VGLL1: variants seen among roughly 807,000 people sequenced by gnomAD.
The protein encoded by VGLL1 is vestigial like family member 1.
In VGLL1, 4 loss-of-function variants were observed where a neutral mutation model predicts 12.0. The ratio of observed to expected loss-of-function variants is 0.33; its 90% CI spans 0.16 to 0.76. The LOEUF (loss-of-function observed/expected upper bound fraction) is 0.76, where lower values mean the gene tolerates loss of function less well. Among genes scored for constraint, VGLL1 ranks in the 30% least tolerant of loss-of-function variants. The pLI is 0.60. For synonymous variants in VGLL1, 87 were observed against 81.2 expected (o/e 1.07, Z -0.39); for missense variants, 204 against 208.7 (o/e 0.98, Z 0.14).
In VGLL1 at chrX:136,534,266, C is replaced by T. The variant is rs763016846; in HGVS notation, c.-25-1730C>T. Among the ~76,000 whole-genome samples, 3 of 112,464 alleles carry T rather than the reference C, an allele frequency of 2.7e-5. No homozygotes were observed. The Admixed American group carries it at 2.8e-4, about 11-fold the overall frequency. ...CCATCTCCCTCATCAAGATGTAGAA[C>T]CTTTCCAACACCCCTGAGGGCTCCC... On this transcript the variant is annotated intron_variant, in intron 1 of 4. Coordinates refer to ENST00000370634, the MANE Select transcript of VGLL1 (RefSeq NM_016267.4).
chrX:136,544,959 C>T (rs887747573), intron 2 of VGLL1, among the ~76,000 whole-genome samples: 3 of 112,081 alleles, frequency 2.7e-5, no homozygotes, highest in African/African-American at 6.5e-5. Context: ...CTTTTTCTCA[C>T]GTTGATTGTG....
At chrX:136,546,324 C>T (rs1230258797) in intron 2 of VGLL1, among the ~76,000 whole-genome samples, 2 of 111,654 alleles carry the variant, frequency 1.8e-5, no homozygotes, top group Non-Finnish European at 3.8e-5. Flanking sequence ...GCCCAAGAGG[C>T]CTGAAAAAGA....
At chrX:136,544,100 T>G (rs1219822453) in intron 2 of VGLL1, among the ~76,000 whole-genome samples, 1 of 112,113 alleles carries the variant, frequency 8.9e-6, no homozygotes, top group Admixed American at 9.5e-5. Flanking sequence ...TGTAACCTGC[T>G]TTTTTAAAAA....
intron 4 of VGLL1, among the ~76,000 whole-genome samples, chrX:136,555,615 A>G (rs762698347): frequency 1.4e-3 from 159 of 111,914 alleles, no homozygotes; most frequent in African/African-American, 4.9e-3. Flanking sequence ...TGCCATTGAA[A>G]GTATAGAAAA....
At position 136,548,666 on chromosome X, in the gene VGLL1, C is replaced by T. The variant is rs973148380; in HGVS notation, c.292C>T (p.Arg98Cys). Residue 98 changes from arginine (R) to cysteine (C), a missense_variant, in exon 3 of 5, where the codon CGT (arginine) becomes TGT (cysteine). Coordinates refer to ENST00000370634, the MANE Select transcript of VGLL1 (RefSeq NM_016267.4). Reference protein sequence around the residue: ...KPQPEVPVTNRAANCNLHVPG... With the variant: ...KPQPEVPVTNCAANCNLHVPG... ...ACAACCAGAAGTACCTGTCACAAAC[C>T]GTGCCGCCAACTGCAACTTGCATGT... 24 of 1,210,498 alleles carry T rather than the reference C, an allele frequency of 2.0e-5. No individual in the cohort carries two copies. The highest frequency in any genetic ancestry group is 1.0e-4 in the African/African-American group (6 of 57,286).
chrX:136,537,203 C>G (rs1213922936), intron 2 of VGLL1, among the ~76,000 whole-genome samples: 1 of 110,098 alleles, frequency 9.1e-6, no homozygotes, highest in Non-Finnish European at 1.9e-5. Context: ...GACCCTGTGT[C>G]TACAAAAAAA....
intron 4 of VGLL1, 139 bp from the exon 5 acceptor site, chrX:136,556,312 G>A: frequency 2.3e-6 from 1 of 430,600 alleles, no homozygotes; most frequent in Non-Finnish European, 4.0e-6. Flanking sequence ...AGTTTCATGA[G>A]TTTCTGTCTT....
At chrX:136,554,792 A>G (rs2075896821) in intron 4 of VGLL1, among the ~76,000 whole-genome samples, 1 of 112,442 alleles carries the variant, frequency 8.9e-6, no homozygotes, top group Admixed American at 9.4e-5. Flanking sequence ...CCTAGGTTTC[A>G]TGTTTCAACA....
intron 4 of VGLL1, among the ~76,000 whole-genome samples, chrX:136,551,363 C>A (rs1446004431): frequency 8.9e-6 from 1 of 111,746 alleles, no homozygotes; most frequent in Non-Finnish European, 1.9e-5. Flanking sequence ...CATAGGGCCA[C>A]CCCAGGACTC....
chrX:136,547,837 C>T (rs990470900), intron 2 of VGLL1, among the ~76,000 whole-genome samples: 7 of 111,643 alleles, frequency 6.3e-5, no homozygotes, highest in African/African-American at 2.3e-4. Flanking sequence ...CAGAGATGCT[C>T]ATTGTAATGC....
At chrX:136,540,751 C>G (rs187433697) in intron 2 of VGLL1, among the ~76,000 whole-genome samples, 8 of 111,435 alleles carry the variant, frequency 7.2e-5, no homozygotes, top group African/African-American at 2.6e-4. Context: ...ACGGCTTGAA[C>G]GAATGAAATT....
chrX:136,548,718 T>A lies in VGLL1; in HGVS notation c.344T>A (p.Phe115Tyr), dbSNP rs1603309423. ...HVPGPMAVNQ[F>Y]SPSLARRASV... is the part of the protein sequence containing the mutation. ...CCTGGTCCCATGGCTGTGAATCAGT[T>A]CTCACCGTCCCTGGCTAGGAGGGCC... Residue 115 changes from phenylalanine to tyrosine, a missense_variant, in exon 3 of 5, where the codon TTC (phenylalanine) becomes TAC (tyrosine). Physicochemically the swap from Phe to Tyr is conservative, Grantham distance 22. Transcript: ENST00000370634. The A allele has an allele frequency of 8.3e-7, 1 of 1,211,927 alleles. No individual in the cohort carries two copies.
chrX:136,538,225 A>G (rs1443080758), intron 2 of VGLL1, among the ~76,000 whole-genome samples: 2 of 112,157 alleles, frequency 1.8e-5, no homozygotes, highest in African/African-American at 6.5e-5. Flanking sequence ...ACTTTCACGG[A>G]CCCTGGACAC....
intron 2 of VGLL1, among the ~76,000 whole-genome samples, chrX:136,537,330 A>G (rs1000474240): frequency 9.1e-6 from 1 of 110,391 alleles, no homozygotes; most frequent in Admixed American, 9.6e-5. Flanking sequence ...CCATGATTGC[A>G]CCACTGTACT....
chrX:136,541,899 A>T (rs989465851), intron 2 of VGLL1, among the ~76,000 whole-genome samples: 4 of 112,577 alleles, frequency 3.6e-5, no homozygotes, highest in African/African-American at 1.3e-4. Context: ...TACAAGTTGA[A>T]GGTATCTTTG....
chrX:136,550,839 C>A lies in VGLL1; in HGVS notation c.688+18C>A, dbSNP rs2075883753. ...AAATGAAAGTAGGTATCTGGGCCAG[C>A]CTTTGATGGTGTGTGTCTGTATCCT... On this transcript the variant is annotated intron_variant, in intron 4 of 4. Transcript: ENST00000370634. 1 of 1,194,574 alleles carries A rather than the reference C, an allele frequency of 8.4e-7. No homozygotes were observed. Among genetic ancestry groups the A allele is most frequent in the East Asian group, 3.0e-5 (1 of 33,700 alleles).
intron 4 of VGLL1, among the ~76,000 whole-genome samples, chrX:136,552,348 G>A (rs139327061): frequency 0.013 from 1,465 of 112,084 alleles, 24 homozygotes; most frequent in African/African-American, 0.044. Context: ...GCCAAGGCAG[G>A]CATCACATAA....
chrX:136,532,645 CTTTCTTTCTTTCTTTCTTTT>C (rs2075827910), intron 1 of VGLL1, among the ~76,000 whole-genome samples: 2 of 77,997 alleles, frequency 2.6e-5, no homozygotes, highest in African/African-American at 4.8e-5. Flanking sequence ...TTCTTTCTTT[CTTTCTTTCTTTCTTTCTTTT>C]TCTTTCTTTC....
chrX:136,533,417 A>T (rs2075831469), intron 1 of VGLL1, among the ~76,000 whole-genome samples: 1 of 111,607 alleles, frequency 9.0e-6, no homozygotes, highest in Non-Finnish European at 1.9e-5. Context: ...GGCCTGGGGC[A>T]TCTGTGGATT....
Sources: allele counts gnomAD v4.1 joint callset (sites outside exome capture counted in the v4.1 genomes callset), GRCh38; gene constraint gnomAD v4.1.1; transcripts MANE v1.5; gene names NCBI Gene and HGNC (gene_info 2026-07-23, HGNC 2026-07-21).